The following GBF1 variants were observed in gnomAD, a reference collection of about 807,000 sequenced individuals.
GBF1 encodes golgi brefeldin A resistant guanine nucleotide exchange factor 1.
GBF1 carries 114 observed loss-of-function variants against 210.5 expected under a neutral mutation model. That is an observed-to-expected ratio of 0.54 (90% CI 0.47 to 0.63). The LOEUF is 0.63. GBF1 is among the 30% of genes least tolerant of loss of function. The probability of loss-of-function intolerance (pLI) is 0.00; values close to 1 mark genes in which losing one functional copy is unlikely to be tolerated. For synonymous variants in GBF1, 850 were observed against 889.2 expected, an observed-to-expected ratio of 0.96 and a Z score of 0.78; for missense variants, 1,851 against 2,357.7, an observed-to-expected ratio of 0.79 and a Z score of 4.45.
In GBF1 at chr10:102,369,257, A is replaced by C. The variant is rs776474388; in HGVS notation, c.3020A>C (p.His1007Pro). The C allele has an allele frequency of 1.2e-6, 2 of 1,613,878 alleles. No individual in the cohort carries two copies. The highest frequency in any genetic ancestry group is 1.7e-6 in the Non-Finnish European group (2 of 1,179,738). The change falls in exon 24 of 40, where the codon CAT becomes CCT. Residue 1007 changes from histidine (H) to proline (P), a missense_variant. Coordinates refer to ENST00000369983, the MANE Select transcript of GBF1 (RefSeq NM_001377137.1). ...GTATTTGGAAGCAACCCTAAAGCCCATATTGCAGCCAAGACAGTATTCCAT... is the reference window on the plus strand; with the variant it reads ...GTATTTGGAAGCAACCCTAAAGCCCCTATTGCAGCCAAGACAGTATTCCAT... ...PSVFGSNPKA[H>P]IAAKTVFHLA...
intron 3 of GBF1, among the ~76,000 whole-genome samples, chr10:102,325,508 C>T (rs2056819474): frequency 2.0e-5 from 3 of 147,972 alleles, no homozygotes. Context: ...TGAGATTGCT[C>T]CACTGCACTC....
intron 3 of GBF1, among the ~76,000 whole-genome samples, chr10:102,339,665 CA>C (rs572753596): frequency 5.1e-4 from 69 of 134,736 alleles, no homozygotes; most frequent in African/African-American, 7.4e-4. Flanking sequence ...GACTCCGTCT[CA>C]AAAAAAAAAA....
chr10:102,381,820 C>T (rs1449924582), intron 39 of GBF1, among the ~76,000 whole-genome samples: 2 of 79,346 alleles, frequency 2.5e-5, no homozygotes, highest in Non-Finnish European at 4.5e-5. Context: ...GAGACCCTGT[C>T]GCGAAAAAAA....
rs572681071 is a variant in GBF1 at position 102,368,793 on chromosome 10, C to T, written c.2934C>T (p.Leu978=). The T allele has an allele frequency of 1.9e-6, 3 of 1,613,168 alleles. No homozygotes were observed. In the African/African-American group the frequency reaches 4.0e-5, roughly 22 times the overall value. ...GCCTCAGCGATGTGTTTGACAATCTCATCATCTCTCTATGCAAATTCACAG... is the reference window on the plus strand; with the variant it reads ...GCCTCAGCGATGTGTTTGACAATCTTATCATCTCTCTATGCAAATTCACAG... The part of the protein sequence containing the change: ...HYGLSDVFDN[L]IISLCKFTAL... The change falls in exon 23 of 40, where the codon CTC becomes CTT. Residue 978 remains leucine (L), a synonymous_variant. Transcript: ENST00000369983.
rs75632503 is a variant in GBF1 at position 102,327,151 on chromosome 10, G to A, written c.164-16900G>A. On this transcript the variant is annotated intron_variant, in intron 3 of 39. Transcript: ENST00000369983. ...TCTCAGGGGGCTGGCACCAAACAGG[G>A]AGGCTGGAGTAGGGTTTCAAACACC... Among the ~76,000 whole-genome samples the A allele has an allele frequency of 3.5e-4, 53 of 152,328 alleles. No homozygotes were observed. The East Asian group carries it at 9.6e-3, about 28-fold the overall frequency.
intron 3 of GBF1, among the ~76,000 whole-genome samples, chr10:102,320,920 C>T (rs1001323163): frequency 2.0e-5 from 3 of 151,810 alleles, no homozygotes; most frequent in Non-Finnish European, 2.9e-5. Flanking sequence ...GTCAGCCTCC[C>T]GAGTAGCTGG....
intron 3 of GBF1, among the ~76,000 whole-genome samples, chr10:102,301,704 A>G (rs2077376758): frequency 6.8e-6 from 1 of 147,134 alleles, no homozygotes; most frequent in Non-Finnish European, 1.5e-5. Context: ...ATCTCAGACG[A>G]TGGGCGGCTG....
Position 102,258,974 on chromosome 10 carries a change from G to T in GBF1, c.36G>T (p.Glu12Asp). ...VDKNIYIIQG[E>D]INIVVGAIKR... ...AGAATATTTACATCATTCAAGGGGA[G>T]ATTAACATTGTGGTTGGGGCCATCA... is the stretch of plus-strand genomic sequence containing the variant. The change falls in exon 2 of 40, where the codon GAG becomes GAT. Residue 12 changes from glutamate (E) to aspartate (D), a missense_variant. Coordinates refer to ENST00000369983, the MANE Select transcript of GBF1 (RefSeq NM_001377137.1). 1.2e-6 allele frequency: 2 copies of T among 1,607,452 alleles called. No individual in the cohort carries two copies. The highest frequency in any genetic ancestry group is 1.7e-6 in the Non-Finnish European group (2 of 1,174,010).
chr10:102,277,555 T>C (rs2075099791), intron 3 of GBF1, among the ~76,000 whole-genome samples: 1 of 152,126 alleles, frequency 6.6e-6, no homozygotes, highest in Admixed American at 6.5e-5. Context: ...ATTTTTGTAT[T>C]TTTAGTAGAG....
Position 102,380,237 on chromosome 10 carries a change from G to T in GBF1, c.4879-12G>T. 1 of 1,583,300 alleles carries T rather than the reference G, an allele frequency of 6.3e-7. No homozygotes were observed. Among genetic ancestry groups the T allele is most frequent in the Non-Finnish European group, 8.7e-7 (1 of 1,151,922 alleles). ...ACAGTCCCCTCAGCTGAAGGGGGCT[G>T]GTGGGCCATAGGTCTTCCTGCAGCA... On this transcript the variant is annotated splice_polypyrimidine_tract_variant and intron_variant, in intron 36 of 39. Coordinates refer to ENST00000369983, the MANE Select transcript of GBF1 (RefSeq NM_001377137.1).
chr10:102,369,656 C>T lies in GBF1; in HGVS notation c.3151-55C>T, dbSNP rs181877698. ...TCCAGAGAACTTTGGTGGGTGGAGGCGGGCACAAATGCAAAGGACACATGG... is the reference window on the plus strand; with the variant it reads ...TCCAGAGAACTTTGGTGGGTGGAGGTGGGCACAAATGCAAAGGACACATGG... On this transcript the variant is annotated intron_variant, in intron 24 of 39. Coordinates refer to ENST00000369983, the MANE Select transcript of GBF1 (RefSeq NM_001377137.1). The T allele has an allele frequency of 3.4e-4, 515 of 1,514,290 alleles. No homozygotes were observed. In the East Asian group the frequency reaches 8.8e-3, roughly 26 times the overall value. 93.8% of individuals were successfully genotyped at this position (1,514,290 alleles called of 1,614,324 possible). A position where few individuals can be genotyped will look rare whatever the true frequency, so the allele number is the denominator to read the frequency against.
chr10:102,344,084 G>C lies in GBF1; in HGVS notation c.197G>C (p.Arg66Pro). 2 of 1,612,138 alleles carry C rather than the reference G, an allele frequency of 1.2e-6. No homozygotes were observed. Among genetic ancestry groups the C allele is most frequent in the Non-Finnish European group, 1.7e-6 (2 of 1,178,326 alleles). Residue 66 changes from arginine to proline, a missense_variant, in exon 4 of 40, where the codon CGA (arginine) becomes CCA (proline). Transcript: ENST00000369983. ...GAAATTGAGCCCAATGTATTCCTTC[G>C]ACCTTTTCTGGAAGTGATTCGCTCT... is the stretch of plus-strand genomic sequence containing the variant. Reference protein sequence around the residue: ...LSEIEPNVFLRPFLEVIRSED... With the variant: ...LSEIEPNVFLPPFLEVIRSED...
intron 4 of GBF1, among the ~76,000 whole-genome samples, chr10:102,350,456 G>T (rs2058879013): frequency 6.6e-6 from 1 of 151,974 alleles, no homozygotes; most frequent in African/African-American, 2.4e-5. Context: ...ATTCAGTTGC[G>T]CCTGAACACA....
At chr10:102,342,841 G>T (rs1205422333) in intron 3 of GBF1, among the ~76,000 whole-genome samples, 2 of 152,134 alleles carry the variant, frequency 1.3e-5, no homozygotes, top group Non-Finnish European at 2.9e-5. Flanking sequence ...TCAGAGTAAG[G>T]TAGGGAGTAA....
At chr10:102,293,767 TTG>T (rs1313078616) in intron 3 of GBF1, among the ~76,000 whole-genome samples, 3 of 28,900 alleles carry the variant, frequency 1.0e-4, no homozygotes, top group Non-Finnish European at 2.0e-4. Flanking sequence ...GTAGTATGTT[TTG>T]TGTTTTTTTT....
chr10:102,344,823 T>C (rs1180857503), intron 4 of GBF1, among the ~76,000 whole-genome samples: 1 of 152,134 alleles, frequency 6.6e-6, no homozygotes, highest in Non-Finnish European at 1.5e-5. Context: ...ACATAATGCA[T>C]GCACATTATA....
chr10:102,252,975 A>G (rs1000821150), intron 1 of GBF1, among the ~76,000 whole-genome samples: 3 of 150,924 alleles, frequency 2.0e-5, no homozygotes, highest in East Asian at 3.9e-4. Flanking sequence ...GCTTACTGCA[A>G]CCTCCACCTC....
At chr10:102,359,778 C>CT (rs57877868) in intron 11 of GBF1, among the ~76,000 whole-genome samples, 33,316 of 139,174 alleles carry the variant, frequency 0.24, 4,103 homozygotes, top group South Asian at 0.34. Context: ...AATCCTTTTC[C>CT]TTTTTTTTTT....
intron 10 of GBF1, 127 bp downstream of exon 10, chr10:102,358,856 T>C: frequency 4.6e-6 from 3 of 646,782 alleles, no homozygotes; most frequent in Non-Finnish European, 8.2e-6. Context: ...AGCTCTGATC[T>C]TTCCTGCTTC....
Sources: gnomAD v4.1 joint callset for allele counts (sites outside exome capture counted in the v4.1 genomes callset) on GRCh38, gnomAD v4.1.1 for gene constraint, MANE v1.5 for transcripts, NCBI Gene and HGNC (gene_info 2026-07-23, HGNC 2026-07-21) for gene names.